The following SMOC1 variants were observed in gnomAD, a reference collection of about 807,000 sequenced individuals.
The protein encoded by SMOC1 is SPARC-related modular calcium-binding protein 1.
Under a neutral mutation model 56.3 loss-of-function variants are expected in SMOC1, and 22 were observed. The observed-to-expected ratio is 0.39, with a 90% CI of 0.28 to 0.56. SMOC1 has a LOEUF of 0.56. SMOC1 is among the 20% of genes least tolerant of loss of function. The probability of loss-of-function intolerance (pLI) is 0.61; values close to 1 mark genes in which losing one functional copy is unlikely to be tolerated. For missense variants in SMOC1, 509 were observed against 565.4 expected, an observed-to-expected ratio of 0.90 and a Z score of 1.01; for synonymous variants, 193 against 215.0, an observed-to-expected ratio of 0.90 and a Z score of 0.89.
rs1323541234 is a variant in SMOC1, at chr14:70,025,214, C to T, written c.1291+1767C>T. Among the ~76,000 whole-genome samples the T allele has an allele frequency of 2.6e-5, 4 of 152,088 alleles. No individual in the cohort carries two copies. The South Asian group carries it at 8.3e-4, about 32-fold the overall frequency. ...TCTGAAGATGCAGATTTGGGTGATG[C>T]CGACTTATTTGAAATGGAAGCTTTG... On this transcript the variant is annotated intron_variant, in intron 11 of 11. Coordinates refer to ENST00000361956, the MANE Select transcript of SMOC1 (RefSeq NM_001034852.3).
intron 7 of SMOC1, among the ~76,000 whole-genome samples, chr14:70,003,430 A>G (rs1158425930): frequency 6.6e-6 from 1 of 152,064 alleles, no homozygotes; most frequent in Non-Finnish European, 1.5e-5. Flanking sequence ...AAAGGGATAG[A>G]TATTCTTTTT....
chr14:69,937,816 A>T (rs1281407144), intron 1 of SMOC1, among the ~76,000 whole-genome samples: 1 of 152,158 alleles, frequency 6.6e-6, no homozygotes, highest in African/African-American at 2.4e-5. Context: ...GGTGATCTGA[A>T]GCCAGGCATC....
intron 5 of SMOC1, among the ~76,000 whole-genome samples, chr14:69,982,465 C>T (rs1024908840): frequency 6.6e-6 from 1 of 152,190 alleles, no homozygotes; most frequent in African/African-American, 2.4e-5. Context: ...GTCACTCAAG[C>T]AATGGATGGA....
intron 1 of SMOC1, among the ~76,000 whole-genome samples, chr14:69,940,356 G>A (rs999804701): frequency 6.6e-6 from 1 of 152,166 alleles, no homozygotes; most frequent in African/African-American, 2.4e-5. Flanking sequence ...AGCGCTCACT[G>A]CCACAAGCCA....
At chr14:69,919,279 G>A (rs1452226921) in intron 1 of SMOC1, among the ~76,000 whole-genome samples, 1 of 152,086 alleles carries the variant, frequency 6.6e-6, no homozygotes, top group Non-Finnish European at 1.5e-5. Flanking sequence ...TTCCCCCATG[G>A]AGATGAAAAA....
At chr14:69,984,846 G>GAC (rs1387689158) in intron 5 of SMOC1, among the ~76,000 whole-genome samples, 1 of 151,174 alleles carries the variant, frequency 6.6e-6, no homozygotes, top group Non-Finnish European at 1.5e-5. Context: ...GACAGAGCGA[G>GAC]ACTCCATCTC....
At chr14:69,975,629 G>C in intron 3 of SMOC1, 86 bp from the exon 4 acceptor site, 4 of 959,346 alleles carry the variant, frequency 4.2e-6, no homozygotes, top group South Asian at 2.6e-5. Context: ...TCACCGTATG[G>C]GTGATGCTTT....
chr14:69,929,618 A>T (rs1594807608), intron 1 of SMOC1, among the ~76,000 whole-genome samples: 1 of 152,238 alleles, frequency 6.6e-6, no homozygotes, highest in South Asian at 2.1e-4. Context: ...GCTGTGTGAG[A>T]GGGAAGCCTG....
intron 3 of SMOC1, among the ~76,000 whole-genome samples, chr14:69,970,161 G>A (rs10149688): frequency 0.028 from 4,248 of 152,200 alleles, 107 homozygotes; most frequent in Middle Eastern, 0.099. Flanking sequence ...TCATTGAAAC[G>A]GGAGCAGAAG....
chr14:69,905,290 C>T (rs370834389), intron 1 of SMOC1, among the ~76,000 whole-genome samples: 2 of 151,898 alleles, frequency 1.3e-5, no homozygotes, highest in African/African-American at 4.8e-5. Flanking sequence ...AACGTCCAAG[C>T]AGAGGGAACG....
At chr14:69,922,340 C>T (rs1168360318) in intron 1 of SMOC1, among the ~76,000 whole-genome samples, 1 of 152,204 alleles carries the variant, frequency 6.6e-6, no homozygotes, top group African/African-American at 2.4e-5. Flanking sequence ...CTTCATCATG[C>T]TTCAGGCGTA....
At chr14:69,982,570 G>A (rs1323790815) in intron 5 of SMOC1, among the ~76,000 whole-genome samples, 1 of 152,192 alleles carries the variant, frequency 6.6e-6, no homozygotes, top group Non-Finnish European at 1.5e-5. Context: ...GCCCTCATAA[G>A]GTGTTAACAC....
chr14:69,994,958 G>A (rs1884714505), intron 7 of SMOC1, among the ~76,000 whole-genome samples: 1 of 152,088 alleles, frequency 6.6e-6, no homozygotes, highest in African/African-American at 2.4e-5. Context: ...ATTTTTGAGG[G>A]GTGATCATAT....
chr14:69,879,848 G>A (rs1883586766), intron 1 of SMOC1, 71 bp downstream of exon 1: 2 of 1,332,840 alleles, frequency 1.5e-6, no homozygotes, highest in African/African-American at 1.5e-5. Context: ...ATCCCTGAGG[G>A]AAGGAGGAGG....
chr14:69,949,080 C>G (rs78630756), intron 1 of SMOC1, among the ~76,000 whole-genome samples: 11,653 of 152,286 alleles, frequency 0.077, 490 homozygotes, highest in African/African-American at 0.12. Flanking sequence ...CCAGGTGAGA[C>G]AGCCCTGCCC....
intron 2 of SMOC1, among the ~76,000 whole-genome samples, chr14:69,953,158 T>TC (rs386364156): frequency 4.0e-4 from 61 of 152,188 alleles, no homozygotes; most frequent in African/African-American, 1.5e-3. Context: ...CATTTTTTTT[T>TC]CTATGGGGCC....
intron 1 of SMOC1, among the ~76,000 whole-genome samples, chr14:69,888,365 C>G (rs1566661583): frequency 6.6e-6 from 1 of 152,172 alleles, no homozygotes; most frequent in East Asian, 1.9e-4. Context: ...TTACCTTTGG[C>G]CACATCTAAG....
intron 1 of SMOC1, among the ~76,000 whole-genome samples, chr14:69,949,493 T>C (rs1882915335): frequency 6.6e-6 from 1 of 152,164 alleles, no homozygotes; most frequent in Non-Finnish European, 1.5e-5. Flanking sequence ...GGTAACCAAA[T>C]CATGCAAATG....
At chr14:69,965,438 A>G (rs1883537848) in intron 3 of SMOC1, among the ~76,000 whole-genome samples, 2 of 150,760 alleles carry the variant, frequency 1.3e-5, no homozygotes, top group Non-Finnish European at 3.0e-5. Flanking sequence ...TGAGAGCCAG[A>G]TCCAAACCTT....
Sources: allele counts gnomAD v4.1 joint callset (sites outside exome capture counted in the v4.1 genomes callset), GRCh38; gene constraint gnomAD v4.1.1; transcripts MANE v1.5; gene names NCBI Gene and HGNC (gene_info 2026-07-23, HGNC 2026-07-21).